WASHC2C: variants seen among roughly 807,000 people sequenced by gnomAD.
The protein encoded by WASHC2C is WASH complex subunit 2C.
Under a neutral mutation model 142.2 loss-of-function variants are expected in WASHC2C, and 73 were observed. That is an observed-to-expected ratio of 0.51 (90% CI 0.43 to 0.62). WASHC2C has a LOEUF of 0.62. Among genes scored for constraint, WASHC2C ranks in the 20% least tolerant of loss-of-function variants. The probability of loss-of-function intolerance (pLI) is 0.00; values close to 1 mark genes in which losing one functional copy is unlikely to be tolerated. For missense variants in WASHC2C, 969 were observed against 1,531.7 expected, an observed-to-expected ratio of 0.63 and a Z score of 6.13; for synonymous variants, 337 against 565.5, an observed-to-expected ratio of 0.60 and a Z score of 5.73.
intron 28 of WASHC2C, among the ~76,000 whole-genome samples, chr10:45,788,349 A>G (rs1461880278): frequency 2.6e-5 from 4 of 152,386 alleles, no homozygotes; most frequent in East Asian, 1.9e-4. Flanking sequence ...TTTGAATTCA[A>G]TGTTTATTGA....
intron 17 of WASHC2C, among the ~76,000 whole-genome samples, chr10:45,762,303 T>G (rs1473419276): frequency 1.3e-5 from 2 of 152,174 alleles, no homozygotes; most frequent in East Asian, 3.9e-4. Flanking sequence ...ACCTCTGCCT[T>G]CCAGGTTCAA....
At chr10:45,744,593 A>C (rs2052574806) in intron 6 of WASHC2C, among the ~76,000 whole-genome samples, 1 of 152,248 alleles carries the variant, frequency 6.6e-6, no homozygotes, top group African/African-American at 2.4e-5. Flanking sequence ...AAAGAGTACA[A>C]GCAAGTTTTT....
intron 3 of WASHC2C, among the ~76,000 whole-genome samples, chr10:45,734,373 G>GTT (rs1370263151): frequency 7.9e-5 from 12 of 151,876 alleles, no homozygotes; most frequent in Non-Finnish European, 1.0e-4. Context: ...GTGTGTGTGT[G>GTT]TGTGTGTGTG....
intron 3 of WASHC2C, among the ~76,000 whole-genome samples, chr10:45,736,292 G>A (rs576569085): frequency 1.1e-3 from 165 of 150,644 alleles, no homozygotes; most frequent in African/African-American, 3.7e-3. Flanking sequence ...TGTAGTCCCA[G>A]CTACTCAGGA....
At chr10:45,781,299 A>C (rs1201972379) in intron 23 of WASHC2C, among the ~76,000 whole-genome samples, 1 of 152,252 alleles carries the variant, frequency 6.6e-6, no homozygotes, top group Non-Finnish European at 1.5e-5. Context: ...TTCCTTCCCA[A>C]ATTGATTTAT....
rs2058331475 is a variant in WASHC2C at position 45,790,440 on chromosome 10, G to A, written c.3793G>A (p.Asp1265Asn). 4 of 1,610,910 alleles carry A rather than the reference G, an allele frequency of 2.5e-6. No homozygotes were observed. Among genetic ancestry groups the A allele is most frequent in the Non-Finnish European group, 3.4e-6 (4 of 1,179,288 alleles). ...AACATTGGAATCTAATTTATTTGATGATAACATTGATATCTTTGCTGACTT... is the reference window on the plus strand; with the variant it reads ...AACATTGGAATCTAATTTATTTGATAATAACATTGATATCTTTGCTGACTT... ...EKTLESNLFD[D>N]NIDIFADLTV... Residue 1265 changes from aspartate (D) to asparagine (N), a missense_variant, in exon 30 of 31, where the codon GAT (aspartate) becomes AAT (asparagine). Asp to Asn is a conservative substitution (Grantham distance 23). Coordinates refer to ENST00000623400, the MANE Select transcript of WASHC2C (RefSeq NM_001330074.2).
At chr10:45,749,422 C>T (rs1405984121) in intron 8 of WASHC2C, among the ~76,000 whole-genome samples, 70 of 149,498 alleles carry the variant, frequency 4.7e-4, no homozygotes, top group African/African-American at 1.5e-3. Context: ...GCAAAAAGAG[C>T]GAAACTCCTT....
At chr10:45,747,068 G>A (rs1235349926) in intron 8 of WASHC2C, among the ~76,000 whole-genome samples, 14 of 152,148 alleles carry the variant, frequency 9.2e-5, no homozygotes, top group South Asian at 6.2e-4. Flanking sequence ...ATCTAAAGGC[G>A]TATTCTTTTC....
At chr10:45,733,119 C>T (rs1232780316) in intron 3 of WASHC2C, among the ~76,000 whole-genome samples, 1 of 152,224 alleles carries the variant, frequency 6.6e-6, no homozygotes, top group African/African-American at 2.4e-5. Flanking sequence ...AATTATATTA[C>T]TTCCTCCTGG....
chr10:45,783,948 G>A (rs1447516461), intron 23 of WASHC2C, among the ~76,000 whole-genome samples: 2 of 152,036 alleles, frequency 1.3e-5, no homozygotes, highest in Non-Finnish European at 2.9e-5. Flanking sequence ...ACAGCCATAG[G>A]AAGGCTTGTG....
chr10:45,734,359 CTG>C (rs139735516), intron 3 of WASHC2C, among the ~76,000 whole-genome samples: 3,272 of 147,966 alleles, frequency 0.022, 36 homozygotes, highest in Non-Finnish European at 0.026. Flanking sequence ...TTCTAGATGA[CTG>C]TGTGTGTGTG....
intron 20 of WASHC2C, among the ~76,000 whole-genome samples, chr10:45,771,174 G>T (rs1443774296): frequency 3.3e-5 from 5 of 151,890 alleles, no homozygotes; most frequent in Admixed American, 1.3e-4. Flanking sequence ...AGAACAGCCT[G>T]ACCAACATGG....
At chr10:45,736,405 CAAAAAAA>C (rs71520974) in intron 3 of WASHC2C, among the ~76,000 whole-genome samples, 1 of 24,562 alleles carries the variant, frequency 4.1e-5, no homozygotes, top group Admixed American at 8.5e-4. Flanking sequence ...GACTCCATCT[CAAAAAAA>C]AAAAAAAAAA....
intron 13 of WASHC2C, among the ~76,000 whole-genome samples, chr10:45,753,828 T>G (rs1344028275): frequency 3.3e-5 from 5 of 151,352 alleles, no homozygotes; most frequent in East Asian, 1.9e-4. Flanking sequence ...TAAATATGTT[T>G]TTTTTTTTTT....
Position 45,754,471 on chromosome 10 carries a change from G to C in WASHC2C, c.1181-15G>C, listed in dbSNP as rs2053997850. 2 of 1,581,182 alleles carry C rather than the reference G, an allele frequency of 1.3e-6. No homozygotes were observed. Among genetic ancestry groups the C allele is most frequent in the Admixed American group, 1.8e-5 (1 of 55,664 alleles). On this transcript the variant is annotated splice_polypyrimidine_tract_variant and intron_variant, in intron 13 of 30. Transcript: ENST00000623400. Reference sequence around the variant, plus strand: ...TTCCCTTGTAAAATGGTTACCCCTTGCTTTCTCATTCTAGAGTCTTCATCA... The same window carrying C: ...TTCCCTTGTAAAATGGTTACCCCTTCCTTTCTCATTCTAGAGTCTTCATCA...
At position 45,786,743 on chromosome 10, in the gene WASHC2C, C is replaced by T. The variant is rs2058072665; in HGVS notation, c.2874+69C>T. On this transcript the variant is annotated intron_variant, in intron 27 of 30. Coordinates refer to ENST00000623400, the MANE Select transcript of WASHC2C (RefSeq NM_001330074.2). Reference sequence around the variant, plus strand: ...TATAAACTTTTTTGGGTTTCCTACTCTTGTCAGCTGCTGCCAAACATCTTC... The same window carrying T: ...TATAAACTTTTTTGGGTTTCCTACTTTTGTCAGCTGCTGCCAAACATCTTC... 7 of 1,611,242 alleles carry T rather than the reference C, an allele frequency of 4.3e-6. No individual in the cohort carries two copies. In the South Asian group the frequency reaches 5.5e-5, roughly 13 times the overall value.
rs2058276198 is a variant in WASHC2C, at chr10:45,789,629, T to C, written c.3708+138T>C. On this transcript the variant is annotated intron_variant, in intron 29 of 30. Coordinates refer to ENST00000623400, the MANE Select transcript of WASHC2C (RefSeq NM_001330074.2). ...TTGCTTAGTAATTATAATTAGGCTC[T>C]TTTATTAATAAGTCTAACATTGATT... 3 of 1,463,656 alleles carry C rather than the reference T, an allele frequency of 2.0e-6. No individual in the cohort carries two copies. In the East Asian group the frequency reaches 6.8e-5, roughly 33 times the overall value. The allele number at this position is 1,463,656 out of a possible 1,614,324, so 90.7% of individuals were successfully genotyped here.
intron 23 of WASHC2C, among the ~76,000 whole-genome samples, chr10:45,783,064 C>T (rs1472692623): frequency 6.6e-5 from 10 of 151,294 alleles, no homozygotes; most frequent in African/African-American, 2.2e-4. Flanking sequence ...ACATTTTATA[C>T]GTAAATGGGT....
chr10:45,737,768 ATTTTT>A (rs782072881), intron 3 of WASHC2C, among the ~76,000 whole-genome samples: 5 of 135,754 alleles, frequency 3.7e-5, no homozygotes, highest in Middle Eastern at 3.9e-3. Context: ...TTGTATTTAA[ATTTTT>A]TTTTTTTTTT....
Sources: gnomAD v4.1 joint callset for allele counts (sites outside exome capture counted in the v4.1 genomes callset) on GRCh38, gnomAD v4.1.1 for gene constraint, MANE v1.5 for transcripts, NCBI Gene and HGNC (gene_info 2026-07-23, HGNC 2026-07-21) for gene names.